CELF2: variants seen among roughly 807,000 people sequenced by gnomAD.
The protein encoded by CELF2 is CUGBP Elav-like family member 2.
CELF2 carries 8 observed loss-of-function variants against 62.6 expected under a neutral mutation model. The observed-to-expected ratio is 0.13, with a 90% CI of 0.07 to 0.23. The LOEUF is 0.23. Among genes scored for constraint, CELF2 ranks in the 10% least tolerant of loss-of-function variants. CELF2 has a pLI of 1.00. For synonymous variants in CELF2, 258 were observed against 250.0 expected, an observed-to-expected ratio of 1.03 and a Z score of -0.30; for missense variants, 333 against 671.0, an observed-to-expected ratio of 0.50 and a Z score of 5.56.
At chr10:10,710,446 A>C in the CELF2 span, among the ~76,000 whole-genome samples, 9 of 152,254 alleles carry the variant, frequency 5.9e-5, no homozygotes, top group African/African-American at 1.7e-4. Context: ...ATCAGTGGGC[A>C]TCACTTATTC....
At chr10:10,628,411 G>A in the CELF2 span, among the ~76,000 whole-genome samples, 11 of 152,178 alleles carry the variant, frequency 7.2e-5, no homozygotes, top group African/African-American at 2.4e-4. Flanking sequence ...CATGCTACTA[G>A]ATCCTTCCTG....
At chr10:10,843,793 G>T (rs547065338) in intron 1 of CELF2, among the ~76,000 whole-genome samples, 1 of 151,822 alleles carries the variant, frequency 6.6e-6, no homozygotes, top group African/African-American at 2.4e-5. Flanking sequence ...AAACAAAATC[G>T]CCCCCCAACA....
the CELF2 span, among the ~76,000 whole-genome samples, chr10:10,468,430 T>C: frequency 6.6e-6 from 1 of 152,020 alleles, no homozygotes; most frequent in Non-Finnish European, 1.5e-5. Flanking sequence ...CCATCTCCTG[T>C]TACAATTCCT....
chr10:10,795,394 G>C (rs1169253671), upstream of CELF2, among the ~76,000 whole-genome samples: 4 of 152,112 alleles, frequency 2.6e-5, no homozygotes, highest in Non-Finnish European at 5.9e-5. Flanking sequence ...ACAATTTATA[G>C]AGTGACATGA....
At chr10:11,105,089 A>G (rs1211362506) in intron 1 of CELF2, among the ~76,000 whole-genome samples, 1 of 152,274 alleles carries the variant, frequency 6.6e-6, no homozygotes, top group Admixed American at 6.5e-5. Context: ...ACAGTGATTC[A>G]AAACATACCG....
chr10:10,712,599 A>G, the CELF2 span, among the ~76,000 whole-genome samples: 4 of 152,120 alleles, frequency 2.6e-5, no homozygotes, highest in Admixed American at 2.6e-4. Context: ...AGCCTAGACT[A>G]TTCTACTGAG....
At chr10:10,923,438 C>G (rs1025973558) in intron 2 of CELF2, among the ~76,000 whole-genome samples, 1 of 152,172 alleles carries the variant, frequency 6.6e-6, no homozygotes, top group Non-Finnish European at 1.5e-5. Context: ...TTAAAGCACT[C>G]CGGCCACTGG....
At chr10:11,230,742 G>A (rs2068342291) in intron 3 of CELF2, among the ~76,000 whole-genome samples, 1 of 152,202 alleles carries the variant, frequency 6.6e-6, no homozygotes, top group Admixed American at 6.5e-5. Context: ...ATGTGTGTCA[G>A]ACTGTAAGGG....
chr10:10,876,177 A>T (rs2061077653), intron 1 of CELF2, among the ~76,000 whole-genome samples: 2 of 152,176 alleles, frequency 1.3e-5, no homozygotes. Context: ...AGGACCACAT[A>T]AAAAAGCACC....
chr10:11,024,300 A>C (rs1473774539), intron 1 of CELF2, among the ~76,000 whole-genome samples: 4 of 152,146 alleles, frequency 2.6e-5, no homozygotes, highest in Non-Finnish European at 4.4e-5. Context: ...TTTTGATTTT[A>C]AATCTCAGTA....
At chr10:10,541,978 C>T in the CELF2 span, among the ~76,000 whole-genome samples, 3 of 152,172 alleles carry the variant, frequency 2.0e-5, no homozygotes, top group Admixed American at 6.5e-5. Flanking sequence ...ATTTTACTTG[C>T]TAATTGAAGT....
chr10:11,064,830 G>T (rs547847829), intron 1 of CELF2, among the ~76,000 whole-genome samples: 1 of 152,324 alleles, frequency 6.6e-6, no homozygotes, highest in South Asian at 2.1e-4. Context: ...TGTTGCTTGA[G>T]CTGGGATAAA....
the CELF2 span, among the ~76,000 whole-genome samples, chr10:10,738,662 C>T: frequency 1.3e-4 from 20 of 152,164 alleles, no homozygotes; most frequent in African/African-American, 4.3e-4. Context: ...AGACATCAGA[C>T]AAATTCCAAT....
chr10:10,767,316 C>CG, the CELF2 span, among the ~76,000 whole-genome samples: 1 of 151,996 alleles, frequency 6.6e-6, no homozygotes, highest in Admixed American at 6.6e-5. Context: ...GACTGGGCCT[C>CG]CTGTTCCTGT....
the CELF2 span, among the ~76,000 whole-genome samples, chr10:10,563,629 G>T: frequency 1.6e-4 from 24 of 150,368 alleles, no homozygotes; most frequent in African/African-American, 4.9e-4. Flanking sequence ...AAAAAAAAAG[G>T]GCAAGGGGAA....
chr10:11,275,009 T>C (rs2085463915), intron 7 of CELF2, 48 bp from the exon 8 acceptor site: 5 of 1,561,190 alleles, frequency 3.2e-6, no homozygotes, highest in Non-Finnish European at 4.4e-6. Context: ...ATGAGGGAGT[T>C]ACTTTGCTCT....
At chr10:10,977,142 G>A (rs2051444545) in intron 2 of CELF2, among the ~76,000 whole-genome samples, 1 of 152,164 alleles carries the variant, frequency 6.6e-6, no homozygotes. Context: ...AGCCACAGGT[G>A]GATTCCAGAA....
intron 1 of CELF2, among the ~76,000 whole-genome samples, chr10:10,822,585 TGAA>T (rs1022355257): frequency 3.9e-5 from 6 of 152,240 alleles, no homozygotes; most frequent in African/African-American, 1.4e-4. Flanking sequence ...ACCTTCAGTT[TGAA>T]GAACCTCTGG....
the CELF2 span, among the ~76,000 whole-genome samples, chr10:10,754,163 G>A: frequency 1.3e-5 from 1 of 75,842 alleles, no homozygotes; most frequent in African/African-American, 5.4e-5. Context: ...TTTTTTTTTT[G>A]AGACAGAGTC....
Sources: allele counts gnomAD v4.1 joint callset (sites outside exome capture counted in the v4.1 genomes callset), GRCh38; gene constraint gnomAD v4.1.1; transcripts MANE v1.5; gene names NCBI Gene and HGNC (gene_info 2026-07-23, HGNC 2026-07-21).